The following AP2A2 variants were observed in gnomAD, a reference collection of about 807,000 sequenced individuals.
The protein encoded by AP2A2 is AP-2 complex subunit alpha-2.
Under a neutral mutation model 104.2 loss-of-function variants are expected in AP2A2, and 32 were observed. The ratio of observed to expected loss-of-function variants is 0.31; its 90% CI spans 0.23 to 0.41. The LOEUF is 0.41. AP2A2 is among the 10% of genes least tolerant of loss of function. The probability of loss-of-function intolerance (pLI) is 1.00; values close to 1 mark genes in which losing one functional copy is unlikely to be tolerated. For missense variants in AP2A2, 912 were observed against 1,261.0 expected, an observed-to-expected ratio of 0.72 and a Z score of 4.19; for synonymous variants, 539 against 533.3, an observed-to-expected ratio of 1.01 and a Z score of -0.15.
At chr11:941,722 G>A (rs1853651583) in intron 1 of AP2A2, among the ~76,000 whole-genome samples, 1 of 151,588 alleles carries the variant, frequency 6.6e-6, no homozygotes, top group African/African-American at 2.4e-5. Flanking sequence ...CAAGTAGCTG[G>A]GACTACAGGC....
intron 1 of AP2A2, among the ~76,000 whole-genome samples, chr11:939,166 A>G (rs1263827026): frequency 1.4e-5 from 2 of 147,594 alleles, no homozygotes; most frequent in African/African-American, 2.5e-5. Context: ...CAGCAGAATC[A>G]CTCGAACCCG....
chr11:954,341 C>T (rs960881894), intron 1 of AP2A2, among the ~76,000 whole-genome samples: 1 of 152,070 alleles, frequency 6.6e-6, no homozygotes, highest in African/African-American at 2.4e-5. Flanking sequence ...GGCTGGCCTG[C>T]CCTCGTTTTA....
At chr11:932,142 G>T (rs969326671) in intron 1 of AP2A2, among the ~76,000 whole-genome samples, 1 of 152,170 alleles carries the variant, frequency 6.6e-6, no homozygotes, top group Non-Finnish European at 1.5e-5. Context: ...TTGTGGAGAC[G>T]TGGTTTCACC....
At chr11:1,003,585 GT>G in intron 15 of AP2A2, 136 bp from the exon 16 acceptor site, 1 of 555,342 alleles carries the variant, frequency 1.8e-6, no homozygotes, top group South Asian at 2.8e-5. Flanking sequence ...CCTTGGAATA[GT>G]TTCCACTTTT....
chr11:977,947 G>T (rs1235443216), intron 5 of AP2A2, among the ~76,000 whole-genome samples: 1 of 152,182 alleles, frequency 6.6e-6, no homozygotes, highest in African/African-American at 2.4e-5. Flanking sequence ...CCCCATCCTG[G>T]CGGGGGAGCC....
chr11:999,611 GGGGCACCATGC>G (rs2133765955), intron 14 of AP2A2, among the ~76,000 whole-genome samples: 1 of 152,264 alleles, frequency 6.6e-6, no homozygotes, highest in Non-Finnish European at 1.5e-5. Flanking sequence ...TTACAGGTGT[GGGGCACCATGC>G]CCAGCCAAAA....
At position 992,550 on chromosome 11, in the gene AP2A2, C is replaced by G; in HGVS notation, c.1317C>G (p.Thr439=). ...CTGAGAAGTACGCGGTGGACTACACCTGGTATGTGGATACCATCTTGAACT... is the reference window on the plus strand; with the variant it reads ...CTGAGAAGTACGCGGTGGACTACACGTGGTATGTGGATACCATCTTGAACT... ...ILAEKYAVDY[T]WYVDTILNLI... is the part of the protein sequence containing the mutation. Residue 439 remains threonine (T), a synonymous_variant, in exon 11 of 22, where the codon ACC becomes ACG. Transcript: ENST00000448903. The surrounding 1 kb of genome is among the most constrained non-coding windows in gnomAD (Gnocchi z 6.4). 1 of 1,612,456 alleles carries G rather than the reference C, an allele frequency of 6.2e-7. No homozygotes were observed.
intron 16 of AP2A2, among the ~76,000 whole-genome samples, chr11:1,004,104 T>C (rs1856119053): frequency 6.6e-6 from 1 of 152,076 alleles, no homozygotes; most frequent in Non-Finnish European, 1.5e-5. Context: ...CCTGAAAAGA[T>C]GGACAAAGTC....
intron 2 of AP2A2, among the ~76,000 whole-genome samples, chr11:962,602 G>A (rs553854203): frequency 8.5e-5 from 13 of 152,160 alleles, no homozygotes; most frequent in African/African-American, 2.9e-4. Context: ...GTGTGGAGGC[G>A]CGTGCCTATA....
chr11:939,157 A>G (rs1488557011), intron 1 of AP2A2, among the ~76,000 whole-genome samples: 1 of 150,994 alleles, frequency 6.6e-6, no homozygotes, highest in Non-Finnish European at 1.5e-5. Context: ...AGGCTGAGGC[A>G]GCAGAATCAC....
chr11:986,073 A>C (rs1855445442), intron 8 of AP2A2, among the ~76,000 whole-genome samples: 2 of 152,216 alleles, frequency 1.3e-5, no homozygotes, highest in Admixed American at 6.5e-5. Flanking sequence ...TTCTCTGCTC[A>C]GCAGTTGCGG....
At chr11:955,808 G>C (rs889775712) in intron 1 of AP2A2, among the ~76,000 whole-genome samples, 1 of 152,202 alleles carries the variant, frequency 6.6e-6, no homozygotes, top group Non-Finnish European at 1.5e-5. Flanking sequence ...CTTGTCCTGT[G>C]GGGGAGGCAA....
Position 988,434 on chromosome 11 carries a change from G to A in AP2A2, c.1132-118G>A, listed in dbSNP as rs972146905. Reference sequence around the variant, plus strand: ...GCAGGTCGGCTCCCTGGACCTGGATGTGCATGTGAGGGAAACTCAGAGTGG... The same window carrying A: ...GCAGGTCGGCTCCCTGGACCTGGATATGCATGTGAGGGAAACTCAGAGTGG... On this transcript the variant is annotated intron_variant, in intron 9 of 21. Transcript: ENST00000448903. 8.4e-6 allele frequency: 11 copies of A among 1,306,222 alleles called. No individual in the cohort carries two copies. In the Admixed American group the frequency reaches 9.1e-5, roughly 11 times the overall value. 80.9% of individuals were successfully genotyped at this position (1,306,222 alleles called of 1,614,324 possible). A position where few individuals can be genotyped will look rare whatever the true frequency, so the allele number is the denominator to read the frequency against.
At chr11:940,776 C>T (rs571506533) in intron 1 of AP2A2, 2 of 455,834 alleles carry the variant, frequency 4.4e-6, no homozygotes, top group East Asian at 1.4e-4. Flanking sequence ...CCATGTGTAC[C>T]AGTGCCTGCC....
chr11:985,279 G>A lies in AP2A2; in HGVS notation c.815-156G>A, dbSNP rs1215966886. The A allele has an allele frequency of 1.4e-5, 14 of 1,007,974 alleles. No homozygotes were observed. In the South Asian group the frequency reaches 1.7e-4, roughly 12 times the overall value. The allele number at this position is 1,007,974 out of a possible 1,614,324, so 62.4% of individuals were successfully genotyped here. A position where few individuals can be genotyped will look rare whatever the true frequency, so the allele number is the denominator to read the frequency against. On this transcript the variant is annotated intron_variant, in intron 7 of 21. Coordinates refer to ENST00000448903, the MANE Select transcript of AP2A2 (RefSeq NM_012305.4). ...ATTACAGAAGTGAGCCACCGTGCCC[G>A]GCCTGTCTCAGTTTTGTAAATGCTT...
intron 9 of AP2A2, among the ~76,000 whole-genome samples, chr11:987,928 A>G (rs1228274497): frequency 6.6e-6 from 1 of 152,228 alleles, no homozygotes; most frequent in Admixed American, 6.5e-5. Flanking sequence ...GTGGTGTGCA[A>G]GGGGCTCGTG....
chr11:925,919 G>A lies in AP2A2; in HGVS notation c.-103G>A. 1.1e-6 allele frequency: 1 copy of A among 893,524 alleles called. No homozygotes were observed. The highest frequency in any genetic ancestry group is 1.5e-6 in the Non-Finnish European group (1 of 659,448). The allele number at this position is 893,524 out of a possible 1,614,324, so 55.3% of individuals were successfully genotyped here. On this transcript the variant is annotated 5_prime_UTR_variant, in exon 1 of 22. Coordinates refer to ENST00000448903, the MANE Select transcript of AP2A2 (RefSeq NM_012305.4). ...GCGGCCGTGGTTAGGCGGCTCCCCG[G>A]CGGCTCCTCCGCGGCGGTGACGGCG...
chr11:1,009,850 G>T, intron 21 of AP2A2, 33 bp downstream of exon 21: 1 of 1,525,298 alleles, frequency 6.6e-7, no homozygotes, highest in Non-Finnish European at 8.9e-7. Context: ...GAACACACTT[G>T]AGTTGCTTTT....
At chr11:1,008,227 G>A (rs1478611124) in intron 18 of AP2A2, 92 bp downstream of exon 18, 21 of 1,465,556 alleles carry the variant, frequency 1.4e-5, no homozygotes, top group Non-Finnish European at 1.7e-5. Flanking sequence ...TGTCCTTCCT[G>A]AGGGGACCCG....
Sources: gnomAD v4.1 joint callset for allele counts (sites outside exome capture counted in the v4.1 genomes callset) on GRCh38, gnomAD v4.1.1 for gene constraint, Gnocchi (gnomAD v3.1) non-coding constraint, MANE v1.5 for transcripts, NCBI Gene and HGNC (gene_info 2026-07-23, HGNC 2026-07-21) for gene names.